Variants in CNTN5 observed in about 807,000 individuals in gnomAD.
CNTN5 encodes contactin-5.
CNTN5 carries 77 observed loss-of-function variants against 129.1 expected under a neutral mutation model. That is an observed-to-expected ratio of 0.60 (90% confidence interval 0.50 to 0.72). CNTN5 has a LOEUF of 0.72. Among genes scored for constraint, CNTN5 ranks in the 30% least tolerant of loss-of-function variants. CNTN5 has a pLI of 0.00. For synonymous variants in CNTN5, 509 were observed against 465.6 expected (o/e 1.09, Z -1.20); for missense variants, 1,478 against 1,328.8 (o/e 1.11, Z -1.75).
chr11:99,773,558 A>C (rs914643344), intron 3 of CNTN5, among the ~76,000 whole-genome samples: 18 of 152,206 alleles, frequency 1.2e-4, no homozygotes, highest in African/African-American at 4.1e-4. Flanking sequence ...TTTTATTGAA[A>C]TAATACCCAT....
chr11:99,972,911 G>A (rs1937671467), intron 8 of CNTN5, among the ~76,000 whole-genome samples: 1 of 151,728 alleles, frequency 6.6e-6, no homozygotes, highest in Non-Finnish European at 1.5e-5. Context: ...TATTTTAATT[G>A]TGTGTACAGT....
intron 9 of CNTN5, among the ~76,000 whole-genome samples, chr11:100,032,638 T>C (rs1459891085): frequency 6.6e-6 from 1 of 152,152 alleles, no homozygotes; most frequent in Non-Finnish European, 1.5e-5. Context: ...GACTTTGTTA[T>C]GCAATCGTTG....
intron 2 of CNTN5, among the ~76,000 whole-genome samples, chr11:99,329,695 A>G (rs561847283): frequency 6.6e-6 from 1 of 152,154 alleles, no homozygotes; most frequent in Admixed American, 6.6e-5. Flanking sequence ...TATTGAGGCA[A>G]TTCTAACAAA....
At chr11:100,349,509 T>C (rs1952357697) in intron 23 of CNTN5, among the ~76,000 whole-genome samples, 1 of 151,954 alleles carries the variant, frequency 6.6e-6, no homozygotes, top group South Asian at 2.1e-4. Context: ...AAAATTGTTA[T>C]TATCATCTCT....
At chr11:99,931,827 A>G (rs1425187508) in intron 7 of CNTN5, among the ~76,000 whole-genome samples, 1 of 152,250 alleles carries the variant, frequency 6.6e-6, no homozygotes, top group Non-Finnish European at 1.5e-5. Flanking sequence ...TGGGTTGAGC[A>G]TGAAAAATGT....
intron 1 of CNTN5, among the ~76,000 whole-genome samples, chr11:99,186,017 G>A (rs1239473916): frequency 2.6e-5 from 4 of 151,686 alleles, no homozygotes; most frequent in East Asian, 3.9e-4. Context: ...AAAGGTTTAT[G>A]AATATATCAA....
chr11:99,703,524 T>G (rs902933639), intron 3 of CNTN5, among the ~76,000 whole-genome samples: 1 of 150,874 alleles, frequency 6.6e-6, no homozygotes, highest in Non-Finnish European at 1.5e-5. Flanking sequence ...ATATGTAATC[T>G]TCACAATAGT....
chr11:100,024,345 C>A (rs1234747805), intron 9 of CNTN5, among the ~76,000 whole-genome samples: 1 of 152,130 alleles, frequency 6.6e-6, no homozygotes, highest in African/African-American at 2.4e-5. Context: ...AACTATGAGT[C>A]AATTAAACCT....
chr11:100,014,925 C>A (rs776303444), intron 9 of CNTN5, among the ~76,000 whole-genome samples: 13 of 152,116 alleles, frequency 8.5e-5, no homozygotes, highest in African/African-American at 1.2e-4. Context: ...CCATCATCAG[C>A]CTACATAAGG....
At chr11:100,059,278 A>G (rs1250445008) in intron 9 of CNTN5, among the ~76,000 whole-genome samples, 1 of 152,176 alleles carries the variant, frequency 6.6e-6, no homozygotes, top group African/African-American at 2.4e-5. Context: ...AAATGATACA[A>G]AATGCTACCA....
At chr11:99,227,839 G>T (rs960714618) in intron 1 of CNTN5, among the ~76,000 whole-genome samples, 4 of 152,026 alleles carry the variant, frequency 2.6e-5, no homozygotes, top group Non-Finnish European at 4.4e-5. Context: ...ATGTTTTATT[G>T]TCTTTTTTAT....
chr11:99,899,233 A>T (rs1314527927), intron 6 of CNTN5, among the ~76,000 whole-genome samples: 5 of 151,972 alleles, frequency 3.3e-5, no homozygotes, highest in Admixed American at 3.3e-4. Context: ...CTCTTACGTG[A>T]TAGCTCTGTT....
chr11:99,510,178 A>G (rs752779561), intron 2 of CNTN5, among the ~76,000 whole-genome samples: 6 of 152,108 alleles, frequency 3.9e-5, no homozygotes, highest in Non-Finnish European at 7.4e-5. Context: ...GAGAGTGCTT[A>G]CAGAAAGAAC....
At chr11:100,321,475 T>A (rs1310236473) in intron 21 of CNTN5, among the ~76,000 whole-genome samples, 4 of 152,170 alleles carry the variant, frequency 2.6e-5, no homozygotes, top group Admixed American at 1.3e-4. Flanking sequence ...GGGTTTCCTA[T>A]ATGTTAGATT....
At chr11:99,770,760 A>C (rs1944917013) in intron 3 of CNTN5, among the ~76,000 whole-genome samples, 2 of 152,094 alleles carry the variant, frequency 1.3e-5, no homozygotes. Flanking sequence ...GTTTAATGCA[A>C]ACCCTATAAA....
At chr11:99,834,232 T>C (rs929178606) in intron 4 of CNTN5, among the ~76,000 whole-genome samples, 1 of 152,162 alleles carries the variant, frequency 6.6e-6, no homozygotes, top group African/African-American at 2.4e-5. Flanking sequence ...GGGTCACCAA[T>C]TGTAGACACC....
chr11:99,587,313 T>C (rs1257666403), intron 3 of CNTN5, among the ~76,000 whole-genome samples: 1 of 152,182 alleles, frequency 6.6e-6, no homozygotes, highest in Non-Finnish European at 1.5e-5. Context: ...GAGAATGAGC[T>C]TTCTTTGGAA....
intron 13 of CNTN5, among the ~76,000 whole-genome samples, chr11:100,177,321 G>T (rs963115303): frequency 6.6e-6 from 1 of 152,050 alleles, no homozygotes; most frequent in Non-Finnish European, 1.5e-5. Context: ...ATTTCAAGTA[G>T]CTCCCTGTAT....
chr11:99,942,378 T>C (rs1950458965), intron 7 of CNTN5, among the ~76,000 whole-genome samples: 1 of 151,958 alleles, frequency 6.6e-6, no homozygotes, highest in South Asian at 2.1e-4. Flanking sequence ...AACTGGATCA[T>C]TTTTGAGAAT....
Sources: allele counts gnomAD v4.1 joint callset (sites outside exome capture counted in the v4.1 genomes callset), GRCh38; gene constraint gnomAD v4.1.1; transcripts MANE v1.5; gene names NCBI Gene and HGNC (gene_info 2026-07-23, HGNC 2026-07-21).